The following FHIT variants were observed in gnomAD, a reference collection of about 807,000 sequenced individuals.
FHIT encodes the protein fragile histidine triad diadenosine triphosphatase, also known as bis(5'-adenosyl)-triphosphatase.
In FHIT, 19 loss-of-function variants were observed where a neutral mutation model predicts 17.9. The observed-to-expected ratio is 1.06, with a 90% CI of 0.74 to 1.56. FHIT has a LOEUF of 1.56. FHIT is among the 40% of genes most tolerant of loss of function. FHIT has a pLI of 0.00. For missense variants in FHIT, 248 were observed against 189.2 expected, an observed-to-expected ratio of 1.31 and a Z score of -1.82; for synonymous variants, 81 against 69.7, an observed-to-expected ratio of 1.16 and a Z score of -0.81.
At chr3:60,739,043 C>T (rs1052033600) in intron 4 of FHIT, among the ~76,000 whole-genome samples, 1 of 152,180 alleles carries the variant, frequency 6.6e-6, no homozygotes, top group African/African-American at 2.4e-5. Context: ...AGGAACTCAG[C>T]TGGGGGCAGT....
intron 3 of FHIT, among the ~76,000 whole-genome samples, chr3:60,997,506 AG>A (rs1253253298): frequency 6.6e-6 from 1 of 152,076 alleles, no homozygotes; most frequent in East Asian, 1.9e-4. Flanking sequence ...GGGAGTGTTG[AG>A]GGGGGTGTGG....
At chr3:60,119,615 T>C (rs757920061) in intron 5 of FHIT, among the ~76,000 whole-genome samples, 3 of 152,156 alleles carry the variant, frequency 2.0e-5, no homozygotes, top group Admixed American at 6.5e-5. Context: ...GGTACTGTCA[T>C]CGTGTCGGGT....
intron 4 of FHIT, among the ~76,000 whole-genome samples, chr3:60,574,540 A>G (rs2037500831): frequency 6.6e-6 from 1 of 151,990 alleles, no homozygotes; most frequent in African/African-American, 2.4e-5. Flanking sequence ...TATATTGTGG[A>G]GCACTCACGC....
chr3:60,866,831 C>T (rs573705101), intron 3 of FHIT, among the ~76,000 whole-genome samples: 59 of 152,136 alleles, frequency 3.9e-4, no homozygotes, highest in Non-Finnish European at 6.5e-4. Flanking sequence ...ACACAAGCAC[C>T]AAGTCATCCA....
chr3:61,246,427 C>G (rs948862295), intron 1 of FHIT, among the ~76,000 whole-genome samples: 4 of 152,164 alleles, frequency 2.6e-5, no homozygotes, highest in Non-Finnish European at 4.4e-5. Flanking sequence ...TAATACAATA[C>G]ATAGCTATAC....
chr3:59,807,652 T>A (rs1280655843), intron 8 of FHIT, among the ~76,000 whole-genome samples: 1 of 152,038 alleles, frequency 6.6e-6, no homozygotes, highest in African/African-American at 2.4e-5. Context: ...CAGCATAATT[T>A]CAGAAAAGGA....
rs1360117070 is a variant in FHIT, at chr3:60,787,752, T to A, written c.-18+34167A>T. Among the ~76,000 whole-genome samples the A allele has an allele frequency of 3.9e-5, 6 of 152,150 alleles. No homozygotes were observed. The East Asian group carries it at 5.8e-4, about 15-fold the overall frequency. On this transcript the variant is annotated intron_variant, in intron 4 of 9. Coordinates refer to ENST00000492590, the MANE Select transcript of FHIT (RefSeq NM_002012.4). ...TGGGCATCACAGAGAAGTGAAAAATTTGTCACCCAACATGTACATTCCCCA... is the reference window on the plus strand; with the variant it reads ...TGGGCATCACAGAGAAGTGAAAAATATGTCACCCAACATGTACATTCCCCA...
intron 3 of FHIT, among the ~76,000 whole-genome samples, chr3:60,953,095 C>T (rs1708960064): frequency 1.3e-5 from 2 of 152,182 alleles, no homozygotes; most frequent in South Asian, 4.1e-4. Flanking sequence ...AGTTCACTCT[C>T]AATATGCCTT....
chr3:61,139,219 C>T (rs539339933), intron 2 of FHIT, among the ~76,000 whole-genome samples: 32 of 152,078 alleles, frequency 2.1e-4, no homozygotes, highest in African/African-American at 6.3e-4. Flanking sequence ...TTAGTAGAGA[C>T]GGGATTTCAC....
intron 8 of FHIT, among the ~76,000 whole-genome samples, chr3:59,783,296 C>T (rs1441296804): frequency 6.6e-6 from 1 of 152,110 alleles, no homozygotes; most frequent in Admixed American, 6.6e-5. Flanking sequence ...TGGTGAAGCC[C>T]CTTCTCTGCT....
chr3:60,193,908 C>T (rs1179463134), intron 5 of FHIT, among the ~76,000 whole-genome samples: 4 of 152,120 alleles, frequency 2.6e-5, no homozygotes, highest in African/African-American at 9.7e-5. Flanking sequence ...AAAAAATGGG[C>T]TCGCTTTCCA....
At chr3:59,976,713 G>C (rs1039756631) in intron 7 of FHIT, among the ~76,000 whole-genome samples, 9 of 151,966 alleles carry the variant, frequency 5.9e-5, no homozygotes, top group Admixed American at 3.9e-4. Context: ...CAAATATCTA[G>C]GCTTCCCCTA....
At chr3:61,004,700 C>A (rs572884804) in intron 3 of FHIT, among the ~76,000 whole-genome samples, 1 of 152,158 alleles carries the variant, frequency 6.6e-6, no homozygotes, top group Admixed American at 6.5e-5. Context: ...TTTCCAGTCT[C>A]CTGCTTGGGT....
chr3:61,188,779 C>T (rs1241928785), intron 2 of FHIT, among the ~76,000 whole-genome samples: 1 of 152,138 alleles, frequency 6.6e-6, no homozygotes, highest in East Asian at 1.9e-4. Context: ...TGGTTCAATA[C>T]ACTCAAATCA....
chr3:61,109,919 C>T (rs2036104847), intron 2 of FHIT, among the ~76,000 whole-genome samples: 1 of 152,138 alleles, frequency 6.6e-6, no homozygotes, highest in Non-Finnish European at 1.5e-5. Flanking sequence ...TCCAACCATA[C>T]CATCCATGAT....
At position 59,808,048 on chromosome 3, in the gene FHIT, G is replaced by A. The variant is rs760412859; in HGVS notation, c.349-55727C>T. Among the ~76,000 whole-genome samples, 7 of 152,052 alleles carry A rather than the reference G, an allele frequency of 4.6e-5. 1 individual carries two copies. Among genetic ancestry groups the A allele is most frequent in the South Asian group, 4.2e-4 (2 of 4,814 alleles). On this transcript the variant is annotated intron_variant, in intron 8 of 9. Transcript: ENST00000492590. ...AGTTTCAGAACATTTTCATTATCCCGAAGGGAAACCCTGCACCCATTAAGT... is the reference window on the plus strand; with the variant it reads ...AGTTTCAGAACATTTTCATTATCCCAAAGGGAAACCCTGCACCCATTAAGT...
intron 4 of FHIT, among the ~76,000 whole-genome samples, chr3:60,642,147 T>G (rs1036005597): frequency 6.6e-6 from 1 of 151,666 alleles, no homozygotes; most frequent in South Asian, 2.1e-4. Context: ...GTACCTCCCA[T>G]TGACCAAGCC....
At chr3:61,015,233 G>A (rs73104244) in intron 3 of FHIT, among the ~76,000 whole-genome samples, 11,222 of 151,960 alleles carry the variant, frequency 0.074, 451 homozygotes, top group East Asian at 0.17. Context: ...AAGACTACTC[G>A]GGAAAAAAAA....
Position 60,896,633 on chromosome 3 carries a change from C to T in FHIT, c.-110-74622G>A, listed in dbSNP as rs1439911962. Among the ~76,000 whole-genome samples, 3 of 152,296 alleles carry T rather than the reference C, an allele frequency of 2.0e-5. No homozygotes were observed. The South Asian group carries it at 6.2e-4, about 32-fold the overall frequency. ...GTACTTCTGTTGTTTGATTGAAGGC[C>T]ATGCCCATCTGGGAAACCACCTGGG... On this transcript the variant is annotated intron_variant, in intron 3 of 9. Transcript: ENST00000492590.
Sources: gnomAD v4.1 joint callset for allele counts (sites outside exome capture counted in the v4.1 genomes callset) on GRCh38, gnomAD v4.1.1 for gene constraint, MANE v1.5 for transcripts, NCBI Gene and HGNC (gene_info 2026-07-23, HGNC 2026-07-21) for gene names.